The following ESPNL variants were observed in gnomAD, a reference collection of about 807,000 sequenced individuals.
The protein encoded by ESPNL is espin-like protein.
A neutral mutation model predicts 46.8 loss-of-function variants in ESPNL; 49 were observed. The observed-to-expected ratio is 1.05, with a 90% CI of 0.83 to 1.33. ESPNL has a LOEUF of 1.33. ESPNL is among the 40% of genes most tolerant of loss of function. The probability of loss-of-function intolerance (pLI) is 0.00; values close to 1 mark genes in which losing one functional copy is unlikely to be tolerated. For synonymous variants in ESPNL, 664 were observed against 662.1 expected, an observed-to-expected ratio of 1.00 and a Z score of -0.04; for missense variants, 1,540 against 1,436.6, an observed-to-expected ratio of 1.07 and a Z score of -1.16.
chr2:238,120,649 G>A (rs956776480), intron 5 of ESPNL, among the ~76,000 whole-genome samples: 6 of 152,242 alleles, frequency 3.9e-5, no homozygotes, highest in African/African-American at 1.4e-4. Context: ...GCAGCTTCAG[G>A]AGCCGGTTTG....
Position 238,131,169 on chromosome 2 carries a change from C to G in ESPNL, c.2455C>G (p.Pro819Ala), listed in dbSNP as rs755679492. The part of the protein sequence containing the change: ...GNWKAIMAHV[P>A]ARQLRRLSRQ... ...CTGGAAGGCCATCATGGCTCACGTG[C>G]CCGCCCGGCAGCTGCGGCGGCTGAG... The change falls in exon 9 of 9, where the codon CCC (proline) becomes GCC (alanine). Residue 819 changes from proline (P) to alanine (A), a missense_variant. Pro to Ala is a conservative substitution (Grantham distance 27, BLOSUM62 -1). Transcript: ENST00000343063. 2.6e-6 allele frequency: 4 copies of G among 1,545,340 alleles called. No individual in the cohort carries two copies.
chr2:238,126,128 GTC>G (rs1692104971), intron 6 of ESPNL, among the ~76,000 whole-genome samples: 2 of 151,534 alleles, frequency 1.3e-5, no homozygotes, highest in East Asian at 3.9e-4. Context: ...GATTGATTGT[GTC>G]TGTGTCTGTG....
At chr2:238,126,979 TTG>T (rs1559267124) in intron 6 of ESPNL, among the ~76,000 whole-genome samples, 1 of 100,110 alleles carries the variant, frequency 1.0e-5, no homozygotes, top group African/African-American at 4.7e-5. Context: ...ATGTGTGTGA[TTG>T]TGTCTATCTG....
Position 238,131,270 on chromosome 2 carries a change from C to T in ESPNL, c.2556C>T (p.Ser852=), listed in dbSNP as rs1401120582. ...ACGGGGCTCCGGTGCCCTACAGCAG[C>T]CTCTCACTGGATCTCTTCATGCTGG... ...HVDGAPVPYS[S]LSLDLFMLGY... is the part of the protein sequence containing the mutation. Residue 852 remains serine (S), a synonymous_variant, in exon 9 of 9, where the codon AGC becomes AGT. Coordinates refer to ENST00000343063, the MANE Select transcript of ESPNL (RefSeq NM_194312.4). 6.3e-7 allele frequency: 1 copy of T among 1,578,758 alleles called. No individual in the cohort carries two copies. Among genetic ancestry groups the T allele is most frequent in the Non-Finnish European group, 8.6e-7 (1 of 1,164,294 alleles).
chr2:238,131,166 G>T lies in ESPNL; in HGVS notation c.2452G>T (p.Val818Leu). The change falls in exon 9 of 9, where the codon GTG becomes TTG. Residue 818 changes from valine to leucine, a missense_variant. Val to Leu is a conservative substitution (Grantham distance 32, BLOSUM62 1). Transcript: ENST00000343063. The stretch of plus-strand genomic sequence containing the variant: ...CAACTGGAAGGCCATCATGGCTCAC[G>T]TGCCCGCCCGGCAGCTGCGGCGGCT... Reference protein sequence around the residue: ...LGNWKAIMAHVPARQLRRLSR... With the variant: ...LGNWKAIMAHLPARQLRRLSR... 1.3e-6 allele frequency: 2 copies of T among 1,544,898 alleles called. No individual in the cohort carries two copies. Among genetic ancestry groups the T allele is most frequent in the South Asian group, 1.2e-5 (1 of 84,056 alleles).
At position 238,128,661 on chromosome 2, in the gene ESPNL, G is replaced by T. The variant is rs760741375; in HGVS notation, c.1216-46G>T. On this transcript the variant is annotated intron_variant, in intron 7 of 8. Transcript: ENST00000343063. ...CTCTCGGATCTTCCCTCCACTCAGG[G>T]CCTGGGTCCCCTTCGGGCCTGTGTG... The T allele has an allele frequency of 3.9e-6, 6 of 1,536,906 alleles. No homozygotes were observed. The Admixed American group carries it at 5.8e-5, about 15-fold the overall frequency.
In ESPNL at chr2:238,128,643, A is replaced by G; in HGVS notation, c.1216-64A>G. The G allele has an allele frequency of 2.7e-6, 4 of 1,494,256 alleles. No homozygotes were observed. The South Asian group carries it at 3.6e-5, about 14-fold the overall frequency. The allele number at this position is 1,494,256 out of a possible 1,614,324, so 92.6% of individuals were successfully genotyped here. On this transcript the variant is annotated intron_variant, in intron 7 of 8. Coordinates refer to ENST00000343063, the MANE Select transcript of ESPNL (RefSeq NM_194312.4). ...GAGCCAACCCCCCACGTCCTCTCGG[A>G]TCTTCCCTCCACTCAGGGCCTGGGT...
In ESPNL at chr2:238,127,750, C is replaced by G; in HGVS notation, c.1215+16C>G. On this transcript the variant is annotated intron_variant, in intron 7 of 8. Coordinates refer to ENST00000343063, the MANE Select transcript of ESPNL (RefSeq NM_194312.4). ...TGACCCCGAGGTTCGTCCTCCACCC[C>G]TGCATTCCTGTCTCCCGGGGCCCCT... 1 of 1,590,260 alleles carries G rather than the reference C, an allele frequency of 6.3e-7. No individual in the cohort carries two copies. The highest frequency in any genetic ancestry group is 8.6e-7 in the Non-Finnish European group (1 of 1,166,894).
At position 238,102,066 on chromosome 2, in the gene ESPNL, G is replaced by A. The variant is rs377231310; in HGVS notation, c.420G>A (p.Pro140=). The A allele has an allele frequency of 8.1e-5, 128 of 1,587,648 alleles. No individual in the cohort carries two copies. The highest frequency in any genetic ancestry group is 3.5e-4 in the South Asian group (31 of 88,042). ...TAGAGACCCGGGAGGGAGCCCGGCC[G>A]CTGCACCACGCTGCCGTCAGTGGGG... ...ATLETREGAR[P]LHHAAVSGDL... Residue 140 remains proline, a synonymous_variant, in exon 2 of 9, where the codon CCG becomes CCA. Coordinates refer to ENST00000343063, the MANE Select transcript of ESPNL (RefSeq NM_194312.4).
At chr2:238,122,620 A>G (rs1692013123) in intron 5 of ESPNL, among the ~76,000 whole-genome samples, 1 of 152,146 alleles carries the variant, frequency 6.6e-6, no homozygotes, top group Admixed American at 6.5e-5. Context: ...CCCCAGCATA[A>G]GAGGGCGGCT....
chr2:238,102,207 C>A, intron 2 of ESPNL, 76 bp downstream of exon 2: 1 of 1,296,270 alleles, frequency 7.7e-7, no homozygotes. Context: ...CATGGAGGGC[C>A]AAGAGGACAG....
chr2:238,102,245 A>C, intron 2 of ESPNL, 114 bp downstream of exon 2: 1 of 925,192 alleles, frequency 1.1e-6, no homozygotes. Context: ...TGAATCCTGC[A>C]GGCGGGCATG....
At chr2:238,127,133 G>A (rs201731124) in intron 6 of ESPNL, among the ~76,000 whole-genome samples, 1 of 105,526 alleles carries the variant, frequency 9.5e-6, no homozygotes, top group Admixed American at 8.9e-5. Flanking sequence ...CTGTGTCTGT[G>A]TGATTGTGTC....
intron 5 of ESPNL, among the ~76,000 whole-genome samples, chr2:238,119,238 T>A (rs1305135231): frequency 1.9e-5 from 2 of 106,768 alleles, no homozygotes; most frequent in East Asian, 6.2e-4. Flanking sequence ...AGAGGGTGGA[T>A]GGAAGAGGAT....
chr2:238,102,117 A>G lies in ESPNL; in HGVS notation c.471A>G (p.Thr157=), dbSNP rs1400924768. 6.4e-7 allele frequency: 1 copy of G among 1,551,654 alleles called. No individual in the cohort carries two copies. The highest frequency in any genetic ancestry group is 1.4e-5 in the African/African-American group (1 of 73,278). Residue 157 remains threonine (T), a synonymous_variant, in exon 2 of 9, where the codon ACA becomes ACG. Transcript: ENST00000343063. ...SGDLTCLKLL[T]AAHGSSVNRR... is the part of the protein sequence containing the mutation. Reference sequence around the variant, plus strand: ...ACCTGACCTGCCTCAAGCTCCTGACAGCCGCGCATGGCAGGTAAGGAGCCC... The same window carrying G: ...ACCTGACCTGCCTCAAGCTCCTGACGGCCGCGCATGGCAGGTAAGGAGCCC...
In ESPNL at chr2:238,105,670, C is replaced by T. The variant is rs1389768467; in HGVS notation, c.672+828C>T. Among the ~76,000 whole-genome samples the T allele has an allele frequency of 2.0e-5, 3 of 152,152 alleles. 1 individual carries two copies. The highest frequency in any genetic ancestry group is 2.0e-4 in the Admixed American group (3 of 15,290). ...CATTCAGAGGCGGGGAGAGCCTGGC[C>T]CATGGGGCCCGGGGGCGGGCAGGAA... is the stretch of plus-strand genomic sequence containing the variant. On this transcript the variant is annotated intron_variant, in intron 3 of 8. Transcript: ENST00000343063.
chr2:238,126,424 TTGTGTG>T (rs1038398999), intron 6 of ESPNL, among the ~76,000 whole-genome samples: 3 of 150,258 alleles, frequency 2.0e-5, no homozygotes, highest in Non-Finnish European at 4.4e-5. Context: ...GTGTTTGTGT[TTGTGTG>T]TCTGTGTCAG....
intron 8 of ESPNL, among the ~76,000 whole-genome samples, chr2:238,129,453 G>A (rs952440062): frequency 1.3e-5 from 2 of 152,216 alleles, no homozygotes; most frequent in African/African-American, 4.8e-5. Flanking sequence ...GGCCGGGGGA[G>A]GAGCAGGAGG....
At chr2:238,128,285 A>G (rs560660222) in intron 7 of ESPNL, among the ~76,000 whole-genome samples, 1 of 152,320 alleles carries the variant, frequency 6.6e-6, no homozygotes, top group East Asian at 1.9e-4. Context: ...CCCGTCGTGG[A>G]GAGCTGGAGC....
Sources: allele counts gnomAD v4.1 joint callset (sites outside exome capture counted in the v4.1 genomes callset), GRCh38; gene constraint gnomAD v4.1.1; transcripts MANE v1.5; gene names NCBI Gene and HGNC (gene_info 2026-07-23, HGNC 2026-07-21).